PCDH7: variants seen among roughly 807,000 people sequenced by gnomAD.
PCDH7 encodes protocadherin 7.
PCDH7 carries 17 observed loss-of-function variants against 58.9 expected under a neutral mutation model. That is an observed-to-expected ratio of 0.29 (90% confidence interval 0.20 to 0.43). The LOEUF is 0.43. Ranked by LOEUF, PCDH7 falls within the 20% of genes least tolerant of loss-of-function variation. The pLI is 1.00. For synonymous variants in PCDH7, 664 were observed against 616.4 expected (o/e 1.08, Z -1.14); for missense variants, 1,274 against 1,441.0 (o/e 0.88, Z 1.88).
intron 3 of PCDH7, among the ~76,000 whole-genome samples, chr4:31,118,170 C>A (rs181654945): frequency 4.6e-5 from 7 of 152,226 alleles, no homozygotes; most frequent in Non-Finnish European, 4.4e-5. Context: ...GTAAGATGTT[C>A]CCTCAGTGAC....
At chr4:30,787,763 G>A (rs1349991749) in intron 1 of PCDH7, among the ~76,000 whole-genome samples, 1 of 152,070 alleles carries the variant, frequency 6.6e-6, no homozygotes, top group East Asian at 1.9e-4. Flanking sequence ...GTGAAGGTAT[G>A]TGTATGCACT....
intron 1 of PCDH7, among the ~76,000 whole-genome samples, chr4:30,874,631 G>A (rs1408543333): frequency 6.6e-6 from 1 of 150,586 alleles, no homozygotes; most frequent in Non-Finnish European, 1.5e-5. Flanking sequence ...CATGGCACAT[G>A]TATACATATG....
intron 1 of PCDH7, among the ~76,000 whole-genome samples, chr4:30,877,306 A>G (rs1270836361): frequency 6.6e-6 from 1 of 152,150 alleles, no homozygotes; most frequent in African/African-American, 2.4e-5. Context: ...TCTATCTGGT[A>G]TCAAAATCCG....
chr4:30,948,194 C>G (rs4692107), intron 2 of PCDH7, among the ~76,000 whole-genome samples: 116,545 of 151,568 alleles, frequency 0.77, 45,662 homozygotes, highest in African/African-American at 0.94. Context: ...TCCCAGTGCA[C>G]TGCTAATTCA....
At chr4:31,052,746 A>T (rs1204701810) in intron 3 of PCDH7, among the ~76,000 whole-genome samples, 1 of 152,188 alleles carries the variant, frequency 6.6e-6, no homozygotes, top group Admixed American at 6.5e-5. Flanking sequence ...GCTGCTGCTG[A>T]TGCCAGCATC....
intron 1 of PCDH7, among the ~76,000 whole-genome samples, chr4:30,874,043 C>T (rs2109364361): frequency 6.6e-6 from 1 of 152,066 alleles, no homozygotes; most frequent in South Asian, 2.1e-4. Context: ...AGTCAGGAAA[C>T]AACAGGTGCT....
At chr4:31,140,135 C>A (rs967143121) in intron 3 of PCDH7, among the ~76,000 whole-genome samples, 8 of 152,120 alleles carry the variant, frequency 5.3e-5, no homozygotes, top group African/African-American at 9.7e-5. Flanking sequence ...CTCTTATGAG[C>A]TGTAGGTAGT....
chr4:30,780,637 C>A (rs1005509113), intron 1 of PCDH7, among the ~76,000 whole-genome samples: 1 of 152,172 alleles, frequency 6.6e-6, no homozygotes, highest in Non-Finnish European at 1.5e-5. Flanking sequence ...CCAATCTTTA[C>A]ATACTTAATT....
At chr4:31,124,568 C>G (rs1335156632) in intron 3 of PCDH7, among the ~76,000 whole-genome samples, 1 of 152,130 alleles carries the variant, frequency 6.6e-6, no homozygotes, top group Non-Finnish European at 1.5e-5. Flanking sequence ...TACCTTCTTA[C>G]CTCACTGTCT....
intron 2 of PCDH7, among the ~76,000 whole-genome samples, chr4:30,939,742 T>C (rs2109434619): frequency 6.6e-6 from 1 of 152,228 alleles, no homozygotes; most frequent in East Asian, 1.9e-4. Flanking sequence ...AATGCTGTTA[T>C]GCTATGAGAT....
intron 1 of PCDH7, among the ~76,000 whole-genome samples, chr4:30,915,326 C>T (rs1742306298): frequency 6.6e-6 from 1 of 152,154 alleles, no homozygotes; most frequent in African/African-American, 2.4e-5. Context: ...GTCCAACCTA[C>T]AATTGTTCCC....
At chr4:30,964,242 A>T (rs200486351) in intron 3 of PCDH7, among the ~76,000 whole-genome samples, 589 of 48,384 alleles carry the variant, frequency 0.012, 6 homozygotes, top group East Asian at 0.044. Flanking sequence ...TTATTTATTT[A>T]TTTATTTATT....
chr4:30,781,413 T>A (rs1232177721), intron 1 of PCDH7, among the ~76,000 whole-genome samples: 2 of 152,096 alleles, frequency 1.3e-5, no homozygotes, highest in Non-Finnish European at 2.9e-5. Context: ...GTGCTGGGAT[T>A]ACAGGCATGA....
intron 3 of PCDH7, among the ~76,000 whole-genome samples, chr4:31,115,687 A>T (rs1716906210): frequency 6.6e-6 from 1 of 152,194 alleles, no homozygotes; most frequent in Non-Finnish European, 1.5e-5. Flanking sequence ...ATTCTTAGAA[A>T]ATACGTATTC....
chr4:31,017,580 C>G (rs1291441729), intron 3 of PCDH7, among the ~76,000 whole-genome samples: 1 of 151,840 alleles, frequency 6.6e-6, no homozygotes, highest in Non-Finnish European at 1.5e-5. Context: ...GACACACACA[C>G]ATATATATAT....
intron 1 of PCDH7, among the ~76,000 whole-genome samples, chr4:30,727,304 G>A (rs2109232887): frequency 6.6e-6 from 1 of 151,922 alleles, no homozygotes; most frequent in South Asian, 2.1e-4. Context: ...CCTAAGTCCT[G>A]TTGTTTTCAT....
chr4:30,967,395 G>A (rs1257176625), intron 3 of PCDH7, among the ~76,000 whole-genome samples: 1 of 151,976 alleles, frequency 6.6e-6, no homozygotes, highest in Non-Finnish European at 1.5e-5. Flanking sequence ...CAATTCTCGT[G>A]GTTGATATTA....
rs1753907992 is a variant in PCDH7 at position 31,020,073 on chromosome 4, AACTAT to A, written c.*7+69861_*7+69865del. Among the ~76,000 whole-genome samples the A allele has an allele frequency of 2.0e-5, 3 of 152,252 alleles. No homozygotes were observed. The East Asian group carries it at 5.8e-4, about 29-fold the overall frequency. On this transcript the variant is annotated intron_variant, in intron 3 of 3. Coordinates refer to the PCDH7 transcript ENST00000509759. The stretch of plus-strand genomic sequence containing the variant: ...AAAAGTAAATGTATCCATGTGTAAA[AACTAT>A]ACAGACCCCTAGTCCCATTGATCCT...
intron 3 of PCDH7, among the ~76,000 whole-genome samples, chr4:31,032,254 C>T (rs1043774410): frequency 6.6e-6 from 1 of 152,106 alleles, no homozygotes; most frequent in Admixed American, 6.5e-5. Context: ...CCTCATGTGG[C>T]TCATATTCTT....
Sources: gnomAD v4.1 joint callset for allele counts (sites outside exome capture counted in the v4.1 genomes callset) on GRCh38, gnomAD v4.1.1 for gene constraint, MANE v1.5 for transcripts, NCBI Gene and HGNC (gene_info 2026-07-23, HGNC 2026-07-21) for gene names.